Variants in COL4A3 observed in about 807,000 individuals in gnomAD.
COL4A3 encodes the protein collagen alpha-3(IV) chain.
Under a neutral mutation model 217.4 loss-of-function variants are expected in COL4A3, and 135 were observed. The observed-to-expected ratio is 0.62, with a 90% CI of 0.54 to 0.72. The LOEUF (loss-of-function observed/expected upper bound fraction) is 0.72, where lower values mean the gene tolerates loss of function less well. Ranked by LOEUF, COL4A3 falls within the 30% of genes least tolerant of loss-of-function variation. The pLI is 0.00. For missense variants in COL4A3, 1,868 were observed against 2,119.9 expected, an observed-to-expected ratio of 0.88 and a Z score of 2.33; for synonymous variants, 690 against 736.3, an observed-to-expected ratio of 0.94 and a Z score of 1.02.
rs1216833640 is a variant in COL4A3, at chr2:227,313,883, G to T, written c.*2013G>T. On this transcript the variant is annotated 3_prime_UTR_variant, in exon 52 of 52. Coordinates refer to ENST00000396578, the MANE Select transcript of COL4A3 (RefSeq NM_000091.5). Reference sequence around the variant, plus strand: ...GGAAGAGCAGTATCAGCATCATCTGGGAACTTGTCACAGATGCAGATTCTA... The same window carrying T: ...GGAAGAGCAGTATCAGCATCATCTGTGAACTTGTCACAGATGCAGATTCTA... 6.6e-6 allele frequency: 1 copy of T among 152,098 alleles called. No homozygotes were observed. Among genetic ancestry groups the T allele is most frequent in the South Asian group, 2.1e-4 (1 of 4,820 alleles). 9.4% of individuals were successfully genotyped at this position (152,098 alleles called of 1,614,324 possible).
intron 1 of COL4A3, among the ~76,000 whole-genome samples, chr2:227,219,448 CAAAGA>C (rs2067670390): frequency 6.6e-6 from 1 of 151,992 alleles, no homozygotes; most frequent in Non-Finnish European, 1.5e-5. Context: ...GAGCCAATCC[CAAAGA>C]CTTTTGTTAA....
intron 1 of COL4A3, among the ~76,000 whole-genome samples, chr2:227,201,685 C>A (rs1034978003): frequency 1.3e-5 from 2 of 152,164 alleles, no homozygotes; most frequent in Non-Finnish European, 2.9e-5. Context: ...CTACCAAATC[C>A]TTTTCAACTG....
chr2:227,218,080 C>CTATATATATATATATATATATA (rs10606625), intron 1 of COL4A3, among the ~76,000 whole-genome samples: 1,376 of 117,782 alleles, frequency 0.012, 27 homozygotes, highest in Non-Finnish European at 0.018. Flanking sequence ...ATATATATAG[C>CTATATATATATATATATATATA]TATATATATA....
chr2:227,211,055 C>T (rs1043532510), intron 1 of COL4A3, among the ~76,000 whole-genome samples: 4 of 152,144 alleles, frequency 2.6e-5, no homozygotes, highest in Non-Finnish European at 5.9e-5. Context: ...GGCTGGAGTG[C>T]AGTGGTGCAA....
Position 227,285,277 on chromosome 2 carries a change from T to TAAAAAAAAAAAAAAA in COL4A3, c.2881+945_2881+959dup, listed in dbSNP as rs764697409. ...AAACCTTCACATGTACTGCCAAACC[T>TAAAAAAAAAAAAAAA]AAAAAAAAAAAAAAAAAAAAAAAAA... On this transcript the variant is annotated intron_variant, in intron 34 of 51. Coordinates refer to ENST00000396578, the MANE Select transcript of COL4A3 (RefSeq NM_000091.5). 1.4e-3 allele frequency among the ~76,000 whole-genome samples: 102 copies of TAAAAAAAAAAAAAAA among 72,370 alleles called. 5 individuals carry two copies. Among genetic ancestry groups the TAAAAAAAAAAAAAAA allele is most frequent in the African/African-American group, 5.3e-3 (94 of 17,690 alleles). 47.5% of individuals were successfully genotyped at this position (72,370 alleles called of 152,430 possible). A position where few individuals can be genotyped will look rare whatever the true frequency, so the allele number is the denominator to read the frequency against.
chr2:227,269,986 A>G lies in COL4A3; in HGVS notation c.1575+6A>G, dbSNP rs1340667357. The G allele has an allele frequency of 9.3e-6, 15 of 1,612,296 alleles. No individual in the cohort carries two copies. The highest frequency in any genetic ancestry group is 1.3e-5 in the Non-Finnish European group (15 of 1,178,754). On this transcript the variant is annotated splice_donor_region_variant and intron_variant, in intron 24 of 51. Transcript: ENST00000396578. ...CAGGTCTTCCAGGATTTCCAGTAAGATTTCATGTTTTTAAATCTTTAGCTT... is the reference window on the plus strand; with the variant it reads ...CAGGTCTTCCAGGATTTCCAGTAAGGTTTCATGTTTTTAAATCTTTAGCTT...
Position 227,247,584 on chromosome 2 carries a change from G to T in COL4A3, c.468G>T (p.Lys156Asn). ...GTGCTGCTGGTTTGAAAGGACAAAA[G>T]GTAAGTCATTGGTGGAATGCTGTCA... ...IPGAAGLKGQ[K>N]GAPAKEEDIE... The change falls in exon 8 of 52, where the codon AAG becomes AAT. Residue 156 changes from lysine to asparagine, a missense_variant and splice_region_variant. By Grantham distance (94) the Lys-to-Asn change is moderately conservative. Coordinates refer to ENST00000396578, the MANE Select transcript of COL4A3 (RefSeq NM_000091.5). The T allele has an allele frequency of 1.2e-6, 2 of 1,613,956 alleles. No homozygotes were observed. The highest frequency in any genetic ancestry group is 1.7e-6 in the Non-Finnish European group (2 of 1,179,934).
chr2:227,229,052 A>T (rs959970293), intron 1 of COL4A3, among the ~76,000 whole-genome samples: 2 of 152,200 alleles, frequency 1.3e-5, no homozygotes, highest in Admixed American at 6.5e-5. Flanking sequence ...GTGAGGTGGC[A>T]GAGCTGGGAT....
At chr2:227,207,517 CG>C (rs1245219117) in intron 1 of COL4A3, among the ~76,000 whole-genome samples, 1 of 152,078 alleles carries the variant, frequency 6.6e-6, no homozygotes, top group Non-Finnish European at 1.5e-5. Flanking sequence ...ACCTAGCTTA[CG>C]GGAAGGAGTA....
At chr2:227,249,230 A>ATATATATATATATATATATATATATATAT in intron 9 of COL4A3, among the ~76,000 whole-genome samples, 1 of 14,692 alleles carries the variant, frequency 6.8e-5, no homozygotes, top group Admixed American at 8.1e-4. Flanking sequence ...ATATATATAT[A>ATATATATATATATATATATATATATATAT]TTTTTTTTTT....
chr2:227,186,863 C>T (rs1028915773), intron 1 of COL4A3, among the ~76,000 whole-genome samples: 2 of 150,732 alleles, frequency 1.3e-5, no homozygotes, highest in African/African-American at 4.8e-5. Flanking sequence ...ATTGCAATAT[C>T]AAGGCACTGG....
At chr2:227,235,364 A>T (rs1350315386) in intron 1 of COL4A3, among the ~76,000 whole-genome samples, 1 of 152,196 alleles carries the variant, frequency 6.6e-6, no homozygotes, top group East Asian at 1.9e-4. Context: ...CTGGGAGGAA[A>T]ATTGCAATGA....
chr2:227,276,565 GA>G (rs2071579258), intron 27 of COL4A3, 88 bp downstream of exon 27: 14 of 994,294 alleles, frequency 1.4e-5, no homozygotes, highest in Non-Finnish European at 1.7e-5. Context: ...CCATTATAAG[GA>G]AAAAAATGTA....
intron 1 of COL4A3, chr2:227,227,975 T>C (rs929288908): frequency 1.3e-5 from 2 of 152,234 alleles, no homozygotes; most frequent in African/African-American, 4.8e-5. Flanking sequence ...CTGCATTGCA[T>C]AAGACGGGCA....
At chr2:227,260,955 A>G in intron 19 of COL4A3, 127 bp from the exon 20 acceptor site, 1 of 761,200 alleles carries the variant, frequency 1.3e-6, no homozygotes, top group South Asian at 1.6e-5. Flanking sequence ...TGTCTAGGTG[A>G]GAGTAGGAAA....
intron 1 of COL4A3, among the ~76,000 whole-genome samples, chr2:227,217,929 G>A (rs1172801089): frequency 2.6e-5 from 4 of 151,228 alleles, no homozygotes; most frequent in Non-Finnish European, 5.9e-5. Flanking sequence ...AAACAAGACA[G>A]TGCTGGCACA....
At chr2:227,252,221 T>A (rs1262942708) in intron 11 of COL4A3, among the ~76,000 whole-genome samples, 1 of 139,752 alleles carries the variant, frequency 7.2e-6, no homozygotes, top group Non-Finnish European at 1.6e-5. Flanking sequence ...TCTTTTTTTT[T>A]TTTTTTTTTT....
At position 227,273,050 on chromosome 2, in the gene COL4A3, C is replaced by T. The variant is rs376896231; in HGVS notation, c.1860C>T (p.Pro620=). Residue 620 remains proline, a synonymous_variant, in exon 26 of 52, where the codon CCC becomes CCT. Transcript: ENST00000396578. Reference sequence around the variant, plus strand: ...CAGCTGGACCACCTGGCTACGGACCCCAAGGAGAACCTGGTCTCCAGGGCA... The same window carrying T: ...CAGCTGGACCACCTGGCTACGGACCTCAAGGAGAACCTGGTCTCCAGGGCA... ...AGPAGPPGYG[P]QGEPGLQGTQ... is the part of the protein sequence containing the mutation. 9.9e-6 allele frequency: 16 copies of T among 1,613,958 alleles called. No individual in the cohort carries two copies. The highest frequency in any genetic ancestry group is 8.9e-5 in the East Asian group (4 of 44,872).
chr2:227,304,142 T>C lies in COL4A3; in HGVS notation c.4151T>C (p.Leu1384Pro), dbSNP rs2073406136. 1 of 1,613,836 alleles carries C rather than the reference T, an allele frequency of 6.2e-7. No homozygotes were observed. The highest frequency in any genetic ancestry group is 1.3e-5 in the African/African-American group (1 of 74,938). Residue 1384 changes from leucine (L) to proline (P), a missense_variant and splice_region_variant, in exon 46 of 52, where the codon CTA becomes CCA. Physicochemically the swap from Leu to Pro is moderately conservative, Grantham distance 98. Around this residue, in one of 2 missense-constraint regions of COL4A3, gnomAD observed 1,503 missense variants for 1,786.1 expected, o/e 0.84. Transcript: ENST00000396578. Reference protein sequence around the residue: ...EPGPPGPPGNLGPCGPRGKPG... With the variant: ...EPGPPGPPGNPGPCGPRGKPG... The stretch of plus-strand genomic sequence containing the variant: ...GGGCCACCAGGGCCACCTGGAAACC[T>C]AGGTGTGGGACTGGCAGCATTGACT...
Sources: gnomAD v4.1 joint callset for allele counts (sites outside exome capture counted in the v4.1 genomes callset) on GRCh38, gnomAD v4.1.1 for gene constraint, gnomAD v4.1.1 regional missense constraint, MANE v1.5 for transcripts, NCBI Gene and HGNC (gene_info 2026-07-23, HGNC 2026-07-21) for gene names.